PARPBP: variants seen among roughly 807,000 people sequenced by gnomAD.
PARPBP encodes PARP1 binding protein.
A neutral mutation model predicts 50.0 loss-of-function variants in PARPBP; 52 were observed. The observed-to-expected ratio is 1.04, with a 90% CI of 0.83 to 1.31. The LOEUF (loss-of-function observed/expected upper bound fraction) is 1.31. PARPBP is among the 50% of genes most tolerant of loss of function. The probability of loss-of-function intolerance (pLI) is 0.00; values close to 1 mark genes in which losing one functional copy is unlikely to be tolerated. For synonymous variants in PARPBP, 244 were observed against 232.1 expected (o/e 1.05, Z -0.47); for missense variants, 697 against 672.0 (o/e 1.04, Z -0.41).
intron 2 of PARPBP, among the ~76,000 whole-genome samples, chr12:102,144,641 G>C (rs1285351665): frequency 6.6e-6 from 1 of 152,020 alleles, no homozygotes; most frequent in Non-Finnish European, 1.5e-5. Context: ...TAGTCAAAAG[G>C]GTAAGAATAA....
chr12:102,192,182 ATCT>A (rs1426607041), intron 9 of PARPBP, among the ~76,000 whole-genome samples: 1 of 152,140 alleles, frequency 6.6e-6, no homozygotes, highest in East Asian at 1.9e-4. Context: ...ATTCTGAGAT[ATCT>A]AATTGAACAG....
intron 6 of PARPBP, among the ~76,000 whole-genome samples, chr12:102,170,735 A>T (rs1428844311): frequency 6.6e-6 from 1 of 152,182 alleles, no homozygotes; most frequent in Non-Finnish European, 1.5e-5. Flanking sequence ...AATTACACTT[A>T]GCTTGCTCTA....
Position 102,178,735 on chromosome 12 carries a change from CCAT to C in PARPBP, c.1156_1158del (p.His386del). On this transcript the variant is annotated inframe_deletion, in exon 8 of 11. Transcript: ENST00000327680. ...TTTTATATGATGAGGAAAACACAATCCATCATCATGGAACGTCTATTCTTACAC... is the reference window on the plus strand; with the variant it reads ...TTTTATATGATGAGGAAAACACAATCCATCATGGAACGTCTATTCTTACAC... The C allele has an allele frequency of 6.2e-7, 1 of 1,612,046 alleles. No individual in the cohort carries two copies. The highest frequency in any genetic ancestry group is 1.1e-5 in the South Asian group (1 of 90,724).
At chr12:102,154,824 C>T (rs1217611530) in intron 4 of PARPBP, 3 of 454,856 alleles carry the variant, frequency 6.6e-6, no homozygotes, top group African/African-American at 6.0e-5. Flanking sequence ...TTTCCCCTTC[C>T]AGGCCCTCCC....
At chr12:102,176,985 T>C (rs1009207320) in intron 7 of PARPBP, among the ~76,000 whole-genome samples, 1 of 152,202 alleles carries the variant, frequency 6.6e-6, no homozygotes, top group Non-Finnish European at 1.5e-5. Flanking sequence ...TTCCATTTCT[T>C]GGCAGAAGAA....
intron 8 of PARPBP, among the ~76,000 whole-genome samples, chr12:102,180,989 A>G (rs901456204): frequency 1.3e-5 from 2 of 152,184 alleles, no homozygotes; most frequent in Admixed American, 6.5e-5. Context: ...CTATTAAGCC[A>G]AAAGGGATTA....
chr12:102,145,582 T>C (rs1391995318), intron 2 of PARPBP, among the ~76,000 whole-genome samples: 1 of 152,126 alleles, frequency 6.6e-6, no homozygotes, highest in African/African-American at 2.4e-5. Flanking sequence ...AAGAAGACTT[T>C]AAAGAAAGCA....
chr12:102,171,432 A>G (rs1888718159), intron 6 of PARPBP, among the ~76,000 whole-genome samples: 1 of 152,128 alleles, frequency 6.6e-6, no homozygotes, highest in Non-Finnish European at 1.5e-5. Context: ...GACTACCATC[A>G]TATATGTGGT....
chr12:102,152,933 C>CAAAAAAAA (rs80188087), intron 3 of PARPBP, among the ~76,000 whole-genome samples: 3 of 80,460 alleles, frequency 3.7e-5, no homozygotes, highest in Admixed American at 1.4e-4. Context: ...AACAGTAAAA[C>CAAAAAAAA]AAAAAAAAAA....
intron 9 of PARPBP, among the ~76,000 whole-genome samples, chr12:102,188,644 A>G (rs775359203): frequency 6.6e-6 from 1 of 152,148 alleles, no homozygotes; most frequent in Non-Finnish European, 1.5e-5. Flanking sequence ...TATACTGGAC[A>G]TGAGAAAAGG....
chr12:102,124,014 G>A lies in PARPBP; in HGVS notation c.126G>A (p.Gln42=). 6.5e-7 allele frequency: 1 copy of A among 1,535,222 alleles called. No individual in the cohort carries two copies. The highest frequency in any genetic ancestry group is 8.7e-7 in the Non-Finnish European group (1 of 1,146,254). ...CGADSMLLAL[Q]LSMAENNKQH... is the part of the protein sequence containing the mutation. The stretch of plus-strand genomic sequence containing the variant: ...CAGACTCCATGCTCTTGGCATTGCA[G>A]CTTTCTATGGCGGAGAACAACAAAC... The change falls in exon 2 of 11, where the codon CAG becomes CAA. Residue 42 remains glutamine, a synonymous_variant. Coordinates refer to ENST00000327680, the MANE Select transcript of PARPBP (RefSeq NM_017915.5).
rs773823343 is a variant in PARPBP at position 102,182,547 on chromosome 12, A to G, written c.1185-2A>G. On this transcript the variant is annotated splice_acceptor_variant, in intron 8 of 10. Coordinates refer to ENST00000327680, the MANE Select transcript of PARPBP (RefSeq NM_017915.5). LOFTEE classifies it high-confidence loss of function. ...TTTTTGCCTTTTTTTTTTTTGACAT[A>G]GGTCTCCCACACAGGTGAATAATTC... 14 of 1,571,016 alleles carry G rather than the reference A, an allele frequency of 8.9e-6. No individual in the cohort carries two copies. The African/African-American group carries it at 1.9e-4, about 22-fold the overall frequency.
intron 2 of PARPBP, among the ~76,000 whole-genome samples, chr12:102,144,062 A>G (rs917314166): frequency 2.6e-5 from 4 of 152,196 alleles, no homozygotes; most frequent in African/African-American, 9.6e-5. Context: ...GTCAGGTGTT[A>G]TTTAATCTGT....
rs1164360169 is a variant in PARPBP at position 102,182,644 on chromosome 12, G to T, written c.1263+17G>T. 9 of 1,521,292 alleles carry T rather than the reference G, an allele frequency of 5.9e-6. No homozygotes were observed. In the Admixed American group the frequency reaches 1.5e-4, roughly 26 times the overall value. The allele number at this position is 1,521,292 out of a possible 1,614,324, so 94.2% of individuals were successfully genotyped here. A position where few individuals can be genotyped will look rare whatever the true frequency, so the allele number is the denominator to read the frequency against. ...AAAATTAAGGTACAATTTAATGCAT[G>T]CCATGAAAATAGCAAACACTGTTTT... On this transcript the variant is annotated intron_variant, in intron 9 of 10. Transcript: ENST00000327680.
At chr12:102,194,053 A>T (rs1055971467) in intron 9 of PARPBP, among the ~76,000 whole-genome samples, 3 of 151,956 alleles carry the variant, frequency 2.0e-5, no homozygotes, top group Non-Finnish European at 4.4e-5. Context: ...AAAGATAGAA[A>T]ATTTGTCATC....
chr12:102,138,656 A>T (rs1056534630), intron 2 of PARPBP, among the ~76,000 whole-genome samples: 18 of 152,162 alleles, frequency 1.2e-4, no homozygotes, highest in African/African-American at 3.9e-4. Context: ...TCTTGAATTA[A>T]TTTTTGTATA....
chr12:102,154,770 T>A (rs944964068), intron 4 of PARPBP: 1 of 433,894 alleles, frequency 2.3e-6, no homozygotes. Flanking sequence ...CTGTCTTTTG[T>A]GGAGGAAAAT....
chr12:102,159,656 A>T (rs1424411016), intron 4 of PARPBP, among the ~76,000 whole-genome samples: 1 of 151,982 alleles, frequency 6.6e-6, no homozygotes, highest in East Asian at 1.9e-4. Flanking sequence ...TAATGAAGGG[A>T]ATAATAGAAT....
chr12:102,153,073 G>T (rs1015176253), intron 3 of PARPBP, among the ~76,000 whole-genome samples: 3 of 152,064 alleles, frequency 2.0e-5, no homozygotes, highest in Non-Finnish European at 4.4e-5. Context: ...AGATAGCACC[G>T]TTATTGTAGG....
Sources: gnomAD v4.1 joint callset for allele counts (sites outside exome capture counted in the v4.1 genomes callset) on GRCh38, gnomAD v4.1.1 for gene constraint, MANE v1.5 for transcripts, NCBI Gene and HGNC (gene_info 2026-07-23, HGNC 2026-07-21) for gene names.